ZNF407: variants seen among roughly 807,000 people sequenced by gnomAD.
ZNF407 encodes the protein zinc finger protein 407.
In ZNF407, 17 loss-of-function variants were observed where a neutral mutation model predicts 131.2. The observed-to-expected ratio is 0.13, with a 90% CI of 0.09 to 0.19. The LOEUF is 0.19. Ranked by LOEUF, ZNF407 falls within the 10% of genes least tolerant of loss-of-function variation. ZNF407 has a pLI of 1.00. For synonymous variants in ZNF407, 1,156 were observed against 1,062.0 expected (o/e 1.09, Z -1.72); for missense variants, 2,681 against 2,830.6 (o/e 0.95, Z 1.20).
Position 74,634,475 on chromosome 18 carries a change from T to C in ZNF407, c.3456T>C (p.Thr1152=). The C allele has an allele frequency of 6.2e-7, 1 of 1,613,790 alleles. No individual in the cohort carries two copies. Among genetic ancestry groups the C allele is most frequent in the East Asian group, 2.2e-5 (1 of 44,888 alleles). The change falls in exon 2 of 9, where the codon ACT becomes ACC. Residue 1152 remains threonine, a synonymous_variant. Transcript: ENST00000299687. The stretch of plus-strand genomic sequence containing the variant: ...CTGCTGACTCTGTAGAAGTTGAGAC[T>C]GAAGAAGAATCTAATTTCAATGAAG... The part of the protein sequence containing the change: ...LCAADSVEVE[T]EEESNFNEDH...
intron 4 of ZNF407, among the ~76,000 whole-genome samples, chr18:74,860,513 A>ATTAT (rs1195252694): frequency 1.3e-5 from 2 of 150,254 alleles, no homozygotes; most frequent in African/African-American, 4.9e-5. Flanking sequence ...TATTATTATT[A>ATTAT]TGTCTTAGAC....
At chr18:74,908,083 G>A (rs895368658) in intron 7 of ZNF407, among the ~76,000 whole-genome samples, 15 of 151,970 alleles carry the variant, frequency 9.9e-5, no homozygotes, top group African/African-American at 2.7e-4. Context: ...ATTAATCAAT[G>A]GAACCCATTT....
Position 74,814,728 on chromosome 18 carries a change from A to G in ZNF407, c.4877+33226A>G, listed in dbSNP as rs1029281782. ...TCTTTTTACAGATTTAAAAAAATGT[A>G]TAATCTTACTGCGTAAAATTTTTTC... On this transcript the variant is annotated intron_variant, in intron 4 of 8. Transcript: ENST00000299687. 2.6e-5 allele frequency among the ~76,000 whole-genome samples: 4 copies of G among 152,188 alleles called. No homozygotes were observed. In the South Asian group the frequency reaches 6.2e-4, roughly 24 times the overall value.
At position 74,632,534 on chromosome 18, in the gene ZNF407, T is replaced by A. The variant is rs757015301; in HGVS notation, c.1515T>A (p.Ser505Arg). 6.2e-7 allele frequency: 1 copy of A among 1,613,932 alleles called. No individual in the cohort carries two copies. The highest frequency in any genetic ancestry group is 1.1e-5 in the South Asian group (1 of 91,080). ...ETQEAEQGQG[S>R]ARPPDSGLHS... ...AGGAGGCAGAGCAGGGCCAGGGGAGTGCCCGTCCTCCGGACTCCGGGCTGC... is the reference window on the plus strand; with the variant it reads ...AGGAGGCAGAGCAGGGCCAGGGGAGAGCCCGTCCTCCGGACTCCGGGCTGC... Residue 505 changes from serine (S) to arginine (R), a missense_variant, in exon 2 of 9, where the codon AGT becomes AGA. This residue lies in a region of ZNF407 where 1,789 missense variants were observed against 1,748.7 expected (regional missense o/e 1.02). Coordinates refer to ENST00000299687, the MANE Select transcript of ZNF407 (RefSeq NM_017757.3).
chr18:74,613,974 C>T (rs551995755), intron 1 of ZNF407, among the ~76,000 whole-genome samples: 151 of 152,254 alleles, frequency 9.9e-4, no homozygotes, highest in African/African-American at 3.3e-3. Flanking sequence ...TGTTTTAGAC[C>T]TAGAACAAAC....
At chr18:74,992,304 T>TGG (rs1196894560) in intron 8 of ZNF407, among the ~76,000 whole-genome samples, 1 of 152,262 alleles carries the variant, frequency 6.6e-6, no homozygotes, top group East Asian at 1.9e-4. Flanking sequence ...TAGTGGGGGT[T>TGG]GGGAGTTCTG....
intron 7 of ZNF407, among the ~76,000 whole-genome samples, chr18:74,909,158 C>A (rs1325324980): frequency 6.6e-6 from 1 of 150,730 alleles, no homozygotes; most frequent in African/African-American, 2.4e-5. Context: ...GCCTAATTAA[C>A]TTTGCACACA....
At chr18:74,680,549 C>A (rs189392447) in intron 3 of ZNF407, among the ~76,000 whole-genome samples, 1 of 151,988 alleles carries the variant, frequency 6.6e-6, no homozygotes, top group Non-Finnish European at 1.5e-5. Context: ...TTATTGTATG[C>A]GGTTTATTTT....
Position 74,940,600 on chromosome 18 carries a change from C to T in ZNF407, c.5428+19908C>T, listed in dbSNP as rs1187100422. ...ACCAGTGAAGGTTGTAGCAGAGAAG[C>T]GACATGGTAAGATTTGTGTCACTCT... On this transcript the variant is annotated intron_variant, in intron 8 of 8. Transcript: ENST00000299687. Among the ~76,000 whole-genome samples, 4 of 152,112 alleles carry T rather than the reference C, an allele frequency of 2.6e-5. No homozygotes were observed. The East Asian group carries it at 5.8e-4, about 22-fold the overall frequency.
At chr18:74,864,698 G>A (rs1358415896) in intron 4 of ZNF407, among the ~76,000 whole-genome samples, 5 of 152,174 alleles carry the variant, frequency 3.3e-5, no homozygotes, top group Admixed American at 3.3e-4. Context: ...TTTAGGGAGT[G>A]TGTGAATATG....
chr18:74,717,191 A>C (rs992609578), intron 3 of ZNF407, among the ~76,000 whole-genome samples: 13 of 152,364 alleles, frequency 8.5e-5, no homozygotes, highest in Non-Finnish European at 1.9e-4. Flanking sequence ...ATTATGTGTA[A>C]AAATGACAAT....
In ZNF407 at chr18:75,017,446, A is replaced by G. The variant is rs915660438; in HGVS notation, c.5429-45704A>G. Among the ~76,000 whole-genome samples, 7 of 152,186 alleles carry G rather than the reference A, an allele frequency of 4.6e-5. No homozygotes were observed. The East Asian group carries it at 1.4e-3, about 30-fold the overall frequency. On this transcript the variant is annotated intron_variant, in intron 8 of 8. Coordinates refer to ENST00000299687, the MANE Select transcript of ZNF407 (RefSeq NM_017757.3). ...TTGTAGGAGGATTAGGGATCCACTGATGTTTTGGCAGGGAGGTTTATAGGG... is the reference window on the plus strand; with the variant it reads ...TTGTAGGAGGATTAGGGATCCACTGGTGTTTTGGCAGGGAGGTTTATAGGG...
intron 3 of ZNF407, among the ~76,000 whole-genome samples, chr18:74,691,007 A>G (rs915287071): frequency 1.3e-5 from 2 of 152,218 alleles, no homozygotes; most frequent in Non-Finnish European, 2.9e-5. Flanking sequence ...GGCCGAGCGC[A>G]GTGGCTCACG....
intron 3 of ZNF407, among the ~76,000 whole-genome samples, chr18:74,749,160 A>G (rs1968740041): frequency 6.6e-6 from 1 of 152,194 alleles, no homozygotes; most frequent in Admixed American, 6.6e-5. Flanking sequence ...TTGCCACTGT[A>G]CCATGCAAAA....
At chr18:74,611,979 T>C (rs560182529) in intron 1 of ZNF407, among the ~76,000 whole-genome samples, 2 of 152,316 alleles carry the variant, frequency 1.3e-5, no homozygotes, top group East Asian at 3.9e-4. Flanking sequence ...GAGGAAAGAC[T>C]GGGAGCAATG....
chr18:74,863,551 C>T (rs1970967822), intron 4 of ZNF407, among the ~76,000 whole-genome samples: 1 of 151,966 alleles, frequency 6.6e-6, no homozygotes, highest in Admixed American at 6.6e-5. Flanking sequence ...TATTTATACA[C>T]CATAAGTCTC....
rs760639354 is a variant in ZNF407, at chr18:74,632,163, C to CTTG, written c.1145_1146insTGT (p.Leu382_Asp383insVal). On this transcript the variant is annotated inframe_insertion, in exon 2 of 9. Coordinates refer to ENST00000299687, the MANE Select transcript of ZNF407 (RefSeq NM_017757.3). Reference sequence around the variant, plus strand: ...GAATCCTGAAAACCAGAGTAGAAAGCTAGACACCTTAGTAACCTCAGAGGG... The same window carrying CTTG: ...GAATCCTGAAAACCAGAGTAGAAAGCTTGTAGACACCTTAGTAACCTCAGAGGG... 19 of 1,613,976 alleles carry CTTG rather than the reference C, an allele frequency of 1.2e-5. No homozygotes were observed. In the South Asian group the frequency reaches 2.0e-4, roughly 17 times the overall value.
chr18:74,614,746 G>A (rs1225427708), intron 1 of ZNF407, among the ~76,000 whole-genome samples: 1 of 152,172 alleles, frequency 6.6e-6, no homozygotes, highest in Non-Finnish European at 1.5e-5. Flanking sequence ...GGCATTGTCT[G>A]TAATTCTCTT....
Position 74,897,716 on chromosome 18 carries a change from A to G in ZNF407, c.5249+7678A>G, listed in dbSNP as rs532841096. Among the ~76,000 whole-genome samples, 15 of 152,304 alleles carry G rather than the reference A, an allele frequency of 9.8e-5. No homozygotes were observed. The South Asian group carries it at 1.0e-3, about 11-fold the overall frequency. The stretch of plus-strand genomic sequence containing the variant: ...TTATCAAACAACAAAACACTTTACT[A>G]TGTAACTATCTATATCTTCCAGCAA... On this transcript the variant is annotated intron_variant, in intron 7 of 8. Coordinates refer to ENST00000299687, the MANE Select transcript of ZNF407 (RefSeq NM_017757.3).
Sources: allele counts gnomAD v4.1 joint callset (sites outside exome capture counted in the v4.1 genomes callset), GRCh38; gene constraint gnomAD v4.1.1; regional missense constraint gnomAD v4.1.1; transcripts MANE v1.5; gene names NCBI Gene and HGNC (gene_info 2026-07-23, HGNC 2026-07-21).